SOX5: variants seen among roughly 807,000 people sequenced by gnomAD.
SOX5 encodes the protein transcription factor SOX-5.
A neutral mutation model predicts 92.0 loss-of-function variants in SOX5; 9 were observed. The observed-to-expected ratio is 0.10, with a 90% CI of 0.06 to 0.17. The LOEUF (loss-of-function observed/expected upper bound fraction) is 0.17, where lower values mean the gene tolerates loss of function less well. Among genes scored for constraint, SOX5 ranks in the 10% least tolerant of loss-of-function variants. The probability of loss-of-function intolerance (pLI) is 1.00; values close to 1 mark genes in which losing one functional copy is unlikely to be tolerated. For synonymous variants in SOX5, 344 were observed against 336.3 expected (o/e 1.02, Z -0.25); for missense variants, 642 against 944.5 (o/e 0.68, Z 4.20).
chr12:23,824,749 G>C (rs749333343), intron 3 of SOX5, among the ~76,000 whole-genome samples: 2 of 152,138 alleles, frequency 1.3e-5, no homozygotes, highest in African/African-American at 2.4e-5. Context: ...TAAGCCCCTC[G>C]CTGGGCCTGC....
At chr12:24,053,515 C>T (rs938392501) in intron 4 of SOX5, among the ~76,000 whole-genome samples, 2 of 152,128 alleles carry the variant, frequency 1.3e-5, no homozygotes, top group Non-Finnish European at 2.9e-5. Flanking sequence ...ATAAAATGGG[C>T]ACTGTTTACT....
chr12:23,651,355 A>T (rs1158407439), intron 7 of SOX5, among the ~76,000 whole-genome samples: 1 of 152,050 alleles, frequency 6.6e-6, no homozygotes, highest in Non-Finnish European at 1.5e-5. Flanking sequence ...GTTAATCATT[A>T]CTAGAGTTCT....
At chr12:23,921,199 C>T (rs1252739060) in intron 1 of SOX5, among the ~76,000 whole-genome samples, 1 of 152,056 alleles carries the variant, frequency 6.6e-6, no homozygotes, top group African/African-American at 2.4e-5. Context: ...TCAACAGGAG[C>T]AGTGCATCAA....
intron 3 of SOX5, among the ~76,000 whole-genome samples, chr12:23,821,055 A>T (rs528117269): frequency 6.6e-6 from 1 of 152,300 alleles, no homozygotes; most frequent in East Asian, 1.9e-4. Context: ...CCTATCCATG[A>T]GCATGGAATG....
intron 4 of SOX5, among the ~76,000 whole-genome samples, chr12:24,198,768 C>T (rs1031605844): frequency 2.0e-5 from 3 of 152,102 alleles, no homozygotes; most frequent in African/African-American, 7.2e-5. Flanking sequence ...AAAGATTCAC[C>T]AGGAAAAAGT....
intron 2 of SOX5, among the ~76,000 whole-genome samples, chr12:24,299,399 C>A (rs1371205524): frequency 1.3e-5 from 2 of 152,090 alleles, no homozygotes; most frequent in African/African-American, 4.8e-5. Flanking sequence ...TTCTTGATAT[C>A]CAGCCCGGTG....
At chr12:23,889,654 T>C (rs2097108036) in intron 2 of SOX5, among the ~76,000 whole-genome samples, 1 of 152,192 alleles carries the variant, frequency 6.6e-6, no homozygotes, top group Non-Finnish European at 1.5e-5. Context: ...GCTATAATGT[T>C]ATACTTAGGA....
intron 8 of SOX5, among the ~76,000 whole-genome samples, chr12:23,619,660 T>C (rs41488244): frequency 0.021 from 3,252 of 152,202 alleles, 54 homozygotes; most frequent in Middle Eastern, 0.048. Context: ...AGCGATAGTA[T>C]TGGGGATGCA....
At chr12:23,578,690 TG>T (rs1351185450) in intron 9 of SOX5, among the ~76,000 whole-genome samples, 1 of 152,186 alleles carries the variant, frequency 6.6e-6, no homozygotes, top group Non-Finnish European at 1.5e-5. Flanking sequence ...GATCTACTCT[TG>T]GTCAATTAAG....
intron 4 of SOX5, among the ~76,000 whole-genome samples, chr12:24,032,428 T>C (rs1441260043): frequency 2.6e-5 from 4 of 152,052 alleles, no homozygotes; most frequent in Non-Finnish European, 4.4e-5. Context: ...TCAGTCAACA[T>C]TGATTAATAA....
intron 4 of SOX5, among the ~76,000 whole-genome samples, chr12:24,197,811 G>A (rs1211378621): frequency 2.6e-5 from 4 of 152,136 alleles, no homozygotes; most frequent in South Asian, 2.1e-4. Flanking sequence ...GACTGCATCC[G>A]CGTATCCACT....
intron 2 of SOX5, among the ~76,000 whole-genome samples, chr12:23,868,500 AC>A (rs2096839245): frequency 6.6e-6 from 1 of 152,072 alleles, no homozygotes; most frequent in Admixed American, 6.6e-5. Context: ...CTTTCCATTC[AC>A]TTTTGCTCGT....
intron 2 of SOX5, among the ~76,000 whole-genome samples, chr12:23,866,738 C>T (rs16926808): frequency 0.049 from 7,396 of 152,220 alleles, 846 homozygotes; most frequent in East Asian, 0.46. Context: ...GTTTTTCATC[C>T]TTCTCCGAGG....
intron 11 of SOX5, among the ~76,000 whole-genome samples, chr12:23,547,695 G>A (rs2136095551): frequency 6.6e-6 from 1 of 152,170 alleles, no homozygotes; most frequent in East Asian, 1.9e-4. Flanking sequence ...TTATTTAATA[G>A]AAAACTATTT....
At chr12:23,872,164 ATTTT>A (rs71059938) in intron 2 of SOX5, among the ~76,000 whole-genome samples, 1,240 of 61,608 alleles carry the variant, frequency 0.02, 35 homozygotes, top group African/African-American at 0.064. Flanking sequence ...CGCCCGGCTA[ATTTT>A]TTTTTTTTTT....
chr12:23,868,819 GTATAAACTAAAT>G (rs2096842718), intron 2 of SOX5, among the ~76,000 whole-genome samples: 1 of 151,960 alleles, frequency 6.6e-6, no homozygotes, highest in Admixed American at 6.6e-5. Flanking sequence ...CATATTTTGA[GTATAAACTAAAT>G]AATAAATTGA....
At chr12:23,825,564 G>T (rs2096215238) in intron 3 of SOX5, among the ~76,000 whole-genome samples, 1 of 152,162 alleles carries the variant, frequency 6.6e-6, no homozygotes, top group South Asian at 2.1e-4. Context: ...TTATATGTAT[G>T]TGTTTGTATG....
chr12:24,367,680 T>C (rs1471909397), intron 2 of SOX5, among the ~76,000 whole-genome samples: 1 of 152,164 alleles, frequency 6.6e-6, no homozygotes, highest in Non-Finnish European at 1.5e-5. Context: ...ACATGTTCTT[T>C]CCTGGTTTCC....
chr12:24,317,653 T>C (rs778921049), intron 2 of SOX5, among the ~76,000 whole-genome samples: 1 of 152,194 alleles, frequency 6.6e-6, no homozygotes, highest in African/African-American at 2.4e-5. Flanking sequence ...CAAAGAGCTA[T>C]CTGTGATATT....
Sources: allele counts gnomAD v4.1 joint callset (sites outside exome capture counted in the v4.1 genomes callset), GRCh38; gene constraint gnomAD v4.1.1; transcripts MANE v1.5; gene names NCBI Gene and HGNC (gene_info 2026-07-23, HGNC 2026-07-21).